DLG2: variants seen among roughly 807,000 people sequenced by gnomAD.
The protein encoded by DLG2 is discs large MAGUK scaffold protein 2.
A neutral mutation model predicts 132.5 loss-of-function variants in DLG2; 45 were observed. The ratio of observed to expected loss-of-function variants is 0.34; its 90% CI spans 0.27 to 0.44. The LOEUF is 0.44. DLG2 is among the 20% of genes least tolerant of loss of function. The pLI is 1.00. For synonymous variants in DLG2, 424 were observed against 419.6 expected (o/e 1.01, Z -0.13); for missense variants, 1,045 against 1,196.9 (o/e 0.87, Z 1.87).
chr11:83,992,892 A>G (rs2093803134), intron 11 of DLG2, among the ~76,000 whole-genome samples: 1 of 152,184 alleles, frequency 6.6e-6, no homozygotes, highest in Admixed American at 6.6e-5. Flanking sequence ...TAGTGAGGTC[A>G]GAGAATGAAG....
chr11:83,573,040 A>G (rs573150332), intron 19 of DLG2, among the ~76,000 whole-genome samples: 1 of 152,298 alleles, frequency 6.6e-6, no homozygotes, highest in Admixed American at 6.5e-5. Flanking sequence ...GCTTTTTATG[A>G]TTTGAAAACA....
At chr11:83,831,625 G>C (rs1287512527) in intron 17 of DLG2, among the ~76,000 whole-genome samples, 1 of 152,028 alleles carries the variant, frequency 6.6e-6, no homozygotes, top group Non-Finnish European at 1.5e-5. Flanking sequence ...TAAATTATAA[G>C]ATTCTATTTA....
intron 11 of DLG2, among the ~76,000 whole-genome samples, chr11:83,998,351 G>A (rs1044924467): frequency 6.6e-6 from 1 of 152,176 alleles, no homozygotes; most frequent in Non-Finnish European, 1.5e-5. Flanking sequence ...GCTGACTAGA[G>A]GAGTTTTGTA....
intron 18 of DLG2, among the ~76,000 whole-genome samples, chr11:83,695,210 G>A (rs1215765101): frequency 6.6e-6 from 1 of 152,212 alleles, no homozygotes; most frequent in Non-Finnish European, 1.5e-5. Context: ...CAGCAGCAGT[G>A]TAATGGAGCA....
intron 5 of DLG2, among the ~76,000 whole-genome samples, chr11:85,138,628 A>G (rs1249254586): frequency 2.6e-5 from 4 of 152,064 alleles, no homozygotes; most frequent in Non-Finnish European, 5.9e-5. Context: ...GACCCACGGG[A>G]AGTAATTGAA....
At chr11:83,818,467 C>T (rs761238974) in intron 17 of DLG2, among the ~76,000 whole-genome samples, 11 of 152,068 alleles carry the variant, frequency 7.2e-5, no homozygotes, top group Non-Finnish European at 1.3e-4. Context: ...TAGTATAATT[C>T]GGGGTGGACC....
intron 6 of DLG2, among the ~76,000 whole-genome samples, chr11:84,962,095 C>T (rs911431485): frequency 1.5e-4 from 23 of 152,366 alleles, no homozygotes; most frequent in South Asian, 4.1e-4. Flanking sequence ...GCAATGGCAA[C>T]GGCCCAGGCC....
intron 3 of DLG2, among the ~76,000 whole-genome samples, chr11:85,556,316 G>A (rs865923305): frequency 2.0e-4 from 31 of 151,786 alleles, no homozygotes; most frequent in Admixed American, 9.2e-4. Flanking sequence ...TAATGCTCAC[G>A]CACTGACTCT....
intron 6 of DLG2, among the ~76,000 whole-genome samples, chr11:84,815,683 GA>G (rs2077014874): frequency 6.6e-6 from 1 of 151,976 alleles, no homozygotes; most frequent in Non-Finnish European, 1.5e-5. Context: ...ACTAAATTAA[GA>G]AGGTCAATTT....
At chr11:84,656,117 G>T (rs865839676) in intron 6 of DLG2, among the ~76,000 whole-genome samples, 7 of 152,104 alleles carry the variant, frequency 4.6e-5, no homozygotes, top group African/African-American at 1.4e-4. Context: ...CAAAACCTCT[G>T]CATGGAAAGA....
At chr11:84,151,282 G>A (rs966984125) in intron 9 of DLG2, among the ~76,000 whole-genome samples, 6 of 151,804 alleles carry the variant, frequency 4.0e-5, no homozygotes, top group Non-Finnish European at 5.9e-5. Flanking sequence ...AATCTTAGGA[G>A]GTTGTATGTT....
At chr11:84,320,954 T>C (rs1315262940) in intron 7 of DLG2, among the ~76,000 whole-genome samples, 1 of 152,132 alleles carries the variant, frequency 6.6e-6, no homozygotes, top group Non-Finnish European at 1.5e-5. Flanking sequence ...AATACAGAAA[T>C]CAGAACATTA....
At chr11:85,586,712 T>C (rs998781912) in intron 3 of DLG2, among the ~76,000 whole-genome samples, 2 of 152,194 alleles carry the variant, frequency 1.3e-5, no homozygotes, top group African/African-American at 4.8e-5. Flanking sequence ...TCTGCTCTGA[T>C]CTTTGTTACT....
In DLG2 at chr11:84,861,629, AAAAAAAAAAAC is replaced by A. The variant is rs1363910428; in HGVS notation, c.357+250021_357+250031del. Among the ~76,000 whole-genome samples the A allele has an allele frequency of 2.7e-4, 20 of 73,026 alleles. 1 individual carries two copies. The highest frequency in any genetic ancestry group is 2.1e-3 in the East Asian group (9 of 4,320). The allele number at this position is 73,026 out of a possible 152,430, so 47.9% of individuals were successfully genotyped here. The stretch of plus-strand genomic sequence containing the variant: ...GAGCTTCTACACAGCAAAAAAAAAA[AAAAAAAAAAAC>A]AAAAAAAAAAACCTATCAGAGGGAA... On this transcript the variant is annotated intron_variant, in intron 6 of 27. Transcript: ENST00000376104.
chr11:84,243,791 A>C (rs1256909697), intron 8 of DLG2, among the ~76,000 whole-genome samples: 2 of 152,176 alleles, frequency 1.3e-5, no homozygotes, highest in East Asian at 1.9e-4. Context: ...TTGACTCACC[A>C]GTTCAAGATT....
intron 6 of DLG2, among the ~76,000 whole-genome samples, chr11:84,811,921 G>A (rs1472928214): frequency 3.3e-5 from 5 of 152,110 alleles, no homozygotes; most frequent in Admixed American, 6.6e-5. Flanking sequence ...AGTATCACAG[G>A]AAGATACAGT....
intron 11 of DLG2, among the ~76,000 whole-genome samples, chr11:84,035,571 T>C (rs1330474198): frequency 2.0e-5 from 3 of 152,058 alleles, no homozygotes; most frequent in Admixed American, 6.6e-5. Context: ...CAAGGGGAAA[T>C]TGATGGAAGA....
intron 9 of DLG2, among the ~76,000 whole-genome samples, chr11:84,139,504 T>C (rs2154235405): frequency 6.6e-6 from 1 of 151,834 alleles, no homozygotes; most frequent in Non-Finnish European, 1.5e-5. Flanking sequence ...GTAGTAATAA[T>C]AATAATTACT....
intron 7 of DLG2, among the ~76,000 whole-genome samples, chr11:84,422,383 T>C (rs1246235459): frequency 6.6e-6 from 1 of 152,218 alleles, no homozygotes; most frequent in Non-Finnish European, 1.5e-5. Flanking sequence ...ACATTGGTCA[T>C]GCTCTTTAAA....
Sources: gnomAD v4.1 joint callset for allele counts (sites outside exome capture counted in the v4.1 genomes callset) on GRCh38, gnomAD v4.1.1 for gene constraint, MANE v1.5 for transcripts, NCBI Gene and HGNC (gene_info 2026-07-23, HGNC 2026-07-21) for gene names.